Variants in EP400 observed in about 807,000 individuals in gnomAD.
EP400 encodes E1A-binding protein p400.
Under a neutral mutation model 354.1 loss-of-function variants are expected in EP400, and 105 were observed. The observed-to-expected ratio is 0.30, with a 90% CI of 0.25 to 0.35. The LOEUF (loss-of-function observed/expected upper bound fraction) is 0.35, where lower values mean the gene tolerates loss of function less well. Among genes scored for constraint, EP400 ranks in the 10% least tolerant of loss-of-function variants. The pLI is 1.00. For synonymous variants in EP400, 1,646 were observed against 1,716.9 expected (o/e 0.96, Z 1.02); for missense variants, 3,280 against 4,121.0 (o/e 0.80, Z 5.59).
chr12:131,965,053 G>A (rs1279063370), intron 2 of EP400, among the ~76,000 whole-genome samples: 1 of 152,222 alleles, frequency 6.6e-6, no homozygotes, highest in African/African-American at 2.4e-5. Flanking sequence ...GTCCTTTGAT[G>A]TGGGATTGTC....
rs1249267962 is a variant in EP400 at position 132,070,469 on chromosome 12, G to A, written c.9021+828G>A. On this transcript the variant is annotated intron_variant, in intron 51 of 52. Coordinates refer to ENST00000389561, the MANE Select transcript of EP400 (RefSeq NM_015409.5). The surrounding 1 kb of genome is among the most constrained non-coding windows in gnomAD (Gnocchi z 4.1). ...GCCATGCTGGTCCCACGGCGCTCTC[G>A]CTATGAGCGGCAGTGACACTTGGTG... Among the ~76,000 whole-genome samples the A allele has an allele frequency of 6.6e-6, 1 of 152,242 alleles. No individual in the cohort carries two copies. Among genetic ancestry groups the A allele is most frequent in the Non-Finnish European group, 1.5e-5 (1 of 68,042 alleles).
At chr12:132,016,437 G>A (rs1358996944) in intron 19 of EP400, among the ~76,000 whole-genome samples, 3 of 151,882 alleles carry the variant, frequency 2.0e-5, no homozygotes, top group African/African-American at 7.3e-5. Context: ...GGCACGATCT[G>A]GGCTCACTGC....
At chr12:132,037,624 C>T in intron 30 of EP400, 58 bp from the exon 31 acceptor site, 1 of 1,371,158 alleles carries the variant, frequency 7.3e-7, no homozygotes. Flanking sequence ...GCTGTGCCCA[C>T]CTGTTGTCAC....
At chr12:132,062,437 C>G in intron 46 of EP400, 29 bp from the exon 47 acceptor site, 2 of 1,612,810 alleles carry the variant, frequency 1.2e-6, no homozygotes, top group Non-Finnish European at 1.7e-6. Context: ...GTATCCCTGT[C>G]CAGACCTAAT....
At chr12:132,043,169 G>T (rs1049971621) in intron 32 of EP400, 135 bp from the exon 33 acceptor site, 3 of 888,124 alleles carry the variant, frequency 3.4e-6, no homozygotes, top group Non-Finnish European at 4.9e-6. Flanking sequence ...CCTCAGGGAA[G>T]GAGTGGATTA....
rs756960756 is a variant in EP400 at position 132,053,378 on chromosome 12, C to T, written c.7509C>T (p.Ala2503=). 2.2e-5 allele frequency: 35 copies of T among 1,567,364 alleles called. No individual in the cohort carries two copies. Among genetic ancestry groups the T allele is most frequent in the Non-Finnish European group, 2.3e-5 (27 of 1,165,550 alleles). The change falls in exon 43 of 53, where the codon GCC becomes GCT. Residue 2503 remains alanine, a synonymous_variant. Coordinates refer to ENST00000389561, the MANE Select transcript of EP400 (RefSeq NM_015409.5). ...ATCAGCAGAAGGCACAGCAGCCGGC[C>T]GTGGCCCAGCCACCCCCGCCCCAGC... ...LADQQKAQQP[A]VAQPPPPQPQ...
At chr12:132,037,101 G>GT (rs1366312688) in intron 30 of EP400, among the ~76,000 whole-genome samples, 1 of 152,214 alleles carries the variant, frequency 6.6e-6, no homozygotes, top group Non-Finnish European at 1.5e-5. Flanking sequence ...TGCATGGTCT[G>GT]TTCTGTGTCC....
At position 132,077,938 on chromosome 12, in the gene EP400, C is replaced by T. The variant is rs541786553; in HGVS notation, c.*265C>T. ...CTCTAAATCATTTCACCTTTCAGTC[C>T]CCACCCGCACCCGTCCCCTAGAGCC... On this transcript the variant is annotated 3_prime_UTR_variant, in exon 53 of 53. Coordinates refer to ENST00000389561, the MANE Select transcript of EP400 (RefSeq NM_015409.5). 1 of 488,700 alleles carries T rather than the reference C, an allele frequency of 2.0e-6. No individual in the cohort carries two copies. The highest frequency in any genetic ancestry group is 3.6e-6 in the Non-Finnish European group (1 of 274,766). The allele number at this position is 488,700 out of a possible 1,614,324, so 30.3% of individuals were successfully genotyped here.
chr12:132,008,269 C>T (rs1251049785), intron 15 of EP400, among the ~76,000 whole-genome samples: 2 of 152,122 alleles, frequency 1.3e-5, no homozygotes, highest in Non-Finnish European at 2.9e-5. Flanking sequence ...CTTAACAGTT[C>T]CCTTCTAAGC....
At chr12:132,041,912 T>A (rs1175706513) in intron 32 of EP400, among the ~76,000 whole-genome samples, 1 of 151,970 alleles carries the variant, frequency 6.6e-6, no homozygotes, top group Non-Finnish European at 1.5e-5. Context: ...CTTTTCCCAA[T>A]TTTTTTTAAA....
chr12:131,978,876 CAT>C (rs985414418), intron 2 of EP400, among the ~76,000 whole-genome samples: 8 of 152,106 alleles, frequency 5.3e-5, no homozygotes, highest in African/African-American at 1.9e-4. Context: ...ATATATCTCA[CAT>C]ATTTATATCT....
At position 132,032,200 on chromosome 12, in the gene EP400, A is replaced by G. The variant is rs557080306; in HGVS notation, c.5951+51A>G. 1.1e-4 allele frequency: 167 copies of G among 1,566,608 alleles called. 2 individuals carry two copies. In the South Asian group the frequency reaches 1.9e-3, roughly 18 times the overall value. On this transcript the variant is annotated intron_variant, in intron 30 of 52. Transcript: ENST00000389561. ...AGGAGATGCAAAGACATCCACATAT[A>G]CAGGTGAGGGCCTGCGGGGATGGCC...
chr12:131,978,344 A>G (rs1041062798), intron 2 of EP400, among the ~76,000 whole-genome samples: 2 of 152,104 alleles, frequency 1.3e-5, no homozygotes, highest in African/African-American at 4.8e-5. Flanking sequence ...TCATTAGCAT[A>G]GTACTGTAGT....
intron 30 of EP400, among the ~76,000 whole-genome samples, chr12:132,036,947 G>A (rs775352572): frequency 1.7e-4 from 26 of 152,020 alleles, no homozygotes; most frequent in Admixed American, 3.3e-4. Flanking sequence ...TAATATTTAG[G>A]ATCCTTTTAA....
At position 132,043,357 on chromosome 12, in the gene EP400, G is replaced by A. The variant is rs771874252; in HGVS notation, c.6261G>A (p.Glu2087=). 10 of 1,614,094 alleles carry A rather than the reference G, an allele frequency of 6.2e-6. No individual in the cohort carries two copies. The highest frequency in any genetic ancestry group is 1.1e-5 in the South Asian group (1 of 91,062). Residue 2087 remains glutamate, a synonymous_variant, in exon 33 of 53, where the codon GAG becomes GAA. Transcript: ENST00000389561. The part of the protein sequence containing the change: ...LEEDAQKSAQ[E]GVLGPHTDAL... ...AGGATGCCCAGAAGTCCGCACAGGA[G>A]GGGGTGCTGGGACCACACACTGATG...
In EP400 at chr12:132,064,226, C is replaced by T. The variant is rs576581996; in HGVS notation, c.8335-442C>T. On this transcript the variant is annotated intron_variant, in intron 47 of 52. Transcript: ENST00000389561. ...GTGCCAGCTGTTTGCCTGTCTCCTT[C>T]GTTCCTCACTCTGCCCTCTCCCAAA... is the stretch of plus-strand genomic sequence containing the variant. 3.4e-4 allele frequency among the ~76,000 whole-genome samples: 52 copies of T among 152,312 alleles called. 1 individual carries two copies. Among genetic ancestry groups the T allele is most frequent in the Admixed American group, 2.0e-3 (31 of 15,306 alleles).
Position 132,023,830 on chromosome 12 carries a change from C to T in EP400, c.4744C>T (p.Arg1582Cys), listed in dbSNP as rs201875215. ...QLASITGPQS[R>C]VAQPETPVTL... ...GGCATCCATCACAGGACCACAGAGCCGCGTGGCTCAGCCAGAGACGCCGGT... is the reference window on the plus strand; with the variant it reads ...GGCATCCATCACAGGACCACAGAGCTGCGTGGCTCAGCCAGAGACGCCGGT... The change falls in exon 24 of 53, where the codon CGC becomes TGC. Residue 1582 changes from arginine to cysteine, a missense_variant. Physicochemically the swap from Arg to Cys is radical, Grantham distance 180 (BLOSUM62 -3). Transcript: ENST00000389561. 2.3e-5 allele frequency: 37 copies of T among 1,613,880 alleles called. No homozygotes were observed. The highest frequency in any genetic ancestry group is 3.3e-5 in the Admixed American group (2 of 59,976).
intron 10 of EP400, among the ~76,000 whole-genome samples, 179 bp from the exon 11 acceptor site, chr12:131,991,994 G>A (rs1466528340): frequency 6.6e-6 from 1 of 152,216 alleles, no homozygotes; most frequent in Non-Finnish European, 1.5e-5. Context: ...TGAACACAGT[G>A]AGCATTGATC....
At chr12:132,024,010 C>T (rs759126868) in intron 24 of EP400, 69 bp downstream of exon 24, 1 of 1,440,908 alleles carries the variant, frequency 6.9e-7, no homozygotes, top group Non-Finnish European at 9.2e-7. Context: ...GCCCTGCTGC[C>T]CACGGGCCTG....
Sources: allele counts gnomAD v4.1 joint callset (sites outside exome capture counted in the v4.1 genomes callset), GRCh38; gene constraint gnomAD v4.1.1; non-coding constraint Gnocchi (gnomAD v3.1); transcripts MANE v1.5; gene names NCBI Gene and HGNC (gene_info 2026-07-23, HGNC 2026-07-21).